Variants in DPH6 observed in about 807,000 individuals in gnomAD.
The protein encoded by DPH6 is diphthamine biosynthesis 6.
In DPH6, 33 loss-of-function variants were observed where a neutral mutation model predicts 38.2. The ratio of observed to expected loss-of-function variants is 0.86; its 90% CI spans 0.65 to 1.15. DPH6 has a LOEUF of 1.15. DPH6 is among the 50% of genes most tolerant of loss of function. The probability of loss-of-function intolerance (pLI) is 0.00; values close to 1 mark genes in which losing one functional copy is unlikely to be tolerated. For missense variants in DPH6, 325 were observed against 320.0 expected (o/e 1.02, Z -0.12); for synonymous variants, 108 against 103.0 (o/e 1.05, Z -0.30).
chr15:35,150,927 A>G, the DPH6 span, among the ~76,000 whole-genome samples: 4,631 of 152,296 alleles, frequency 0.03, 228 homozygotes, highest in African/African-American at 0.11. Context: ...TGATGTTTCT[A>G]TGAGGTTTTG....
intron 3 of DPH6, chr15:35,298,187 T>C (rs2052028258): frequency 2.2e-6 from 1 of 445,046 alleles, no homozygotes; most frequent in Non-Finnish European, 4.3e-6. Context: ...TTTCCTTCTT[T>C]TCTCGGCCTG....
At chr15:35,505,679 C>T (rs1260350999) in intron 3 of DPH6, among the ~76,000 whole-genome samples, 1 of 151,924 alleles carries the variant, frequency 6.6e-6, no homozygotes, top group Non-Finnish European at 1.5e-5. Context: ...ACTTTTAATA[C>T]GTGTAATGAA....
intron 3 of DPH6, among the ~76,000 whole-genome samples, chr15:35,358,121 A>T (rs1213423260): frequency 6.6e-6 from 1 of 152,044 alleles, no homozygotes; most frequent in Non-Finnish European, 1.5e-5. Context: ...TTGGTTGAAT[A>T]CTTTGTCTTT....
the DPH6 span, among the ~76,000 whole-genome samples, chr15:35,204,341 C>T: frequency 4.0e-5 from 6 of 151,734 alleles, no homozygotes; most frequent in Admixed American, 2.6e-4. Context: ...TATTGGGCGT[C>T]CTCTTATTAT....
intron 3 of DPH6, among the ~76,000 whole-genome samples, chr15:35,263,398 CTTT>C (rs757916530): frequency 4.0e-5 from 4 of 98,996 alleles, no homozygotes; most frequent in Middle Eastern, 6.0e-3. Context: ...CATAATTAAT[CTTT>C]TTTTTTTTTT....
At chr15:35,351,720 CT>C (rs758678929) in intron 3 of DPH6, among the ~76,000 whole-genome samples, 1,559 of 136,334 alleles carry the variant, frequency 0.011, 7 homozygotes, top group African/African-American at 0.016. Context: ...TGTCAGACTT[CT>C]TTTTTTTTTT....
the DPH6 span, among the ~76,000 whole-genome samples, chr15:35,193,553 G>A: frequency 6.6e-6 from 1 of 152,084 alleles, no homozygotes; most frequent in Non-Finnish European, 1.5e-5. Context: ...GATAAAGGTA[G>A]TTGCATAGAA....
chr15:35,481,464 G>T (rs756808207), intron 3 of DPH6, among the ~76,000 whole-genome samples: 33 of 152,074 alleles, frequency 2.2e-4, no homozygotes, highest in Non-Finnish European at 4.6e-4. Flanking sequence ...TTTGGATCTT[G>T]ATTCAAACAA....
At chr15:35,485,378 T>C (rs376305518) in intron 3 of DPH6, among the ~76,000 whole-genome samples, 8 of 152,238 alleles carry the variant, frequency 5.3e-5, no homozygotes, top group African/African-American at 1.9e-4. Context: ...GGATATGTTA[T>C]CATGTCAAAA....
At chr15:35,403,549 C>T (rs188724791) in intron 6 of DPH6, among the ~76,000 whole-genome samples, 4 of 152,196 alleles carry the variant, frequency 2.6e-5, no homozygotes, top group Admixed American at 2.6e-4. Flanking sequence ...CTTACTCTGT[C>T]ACCCAGGGTG....
In DPH6 at chr15:35,372,128, G is replaced by T; in HGVS notation, c.*22C>A. The T allele has an allele frequency of 1.3e-6, 2 of 1,510,372 alleles. No homozygotes were observed. The highest frequency in any genetic ancestry group is 2.7e-5 in the South Asian group (2 of 74,574). 93.6% of individuals were successfully genotyped at this position (1,510,372 alleles called of 1,614,324 possible). On this transcript the variant is annotated 3_prime_UTR_variant, in exon 9 of 9. Coordinates refer to ENST00000256538, the MANE Select transcript of DPH6 (RefSeq NM_080650.4). ...TTTTGTATAGAAATGGTGGTTTAAT[G>T]AACAATGTTCCAAAACACTTTTCAA...
rs548414947 is a variant in DPH6, at chr15:35,336,402, C to T, written n.208-5325G>A. 3.9e-5 allele frequency among the ~76,000 whole-genome samples: 6 copies of T among 152,180 alleles called. No homozygotes were observed. In the East Asian group the frequency reaches 1.2e-3, roughly 29 times the overall value. Reference sequence around the variant, plus strand: ...TCTTTTTTCTCTAAACTTCTCTTTTCACTTCATTTCATTCATTTGATCTTC... The same window carrying T: ...TCTTTTTTCTCTAAACTTCTCTTTTTACTTCATTTCATTCATTTGATCTTC... On this transcript the variant is annotated intron_variant and non_coding_transcript_variant, in intron 3 of 3. Transcript: ENST00000558973.
intron 3 of DPH6, among the ~76,000 whole-genome samples, chr15:35,332,351 A>G (rs1200704212): frequency 6.6e-6 from 1 of 152,186 alleles, no homozygotes; most frequent in Non-Finnish European, 1.5e-5. Context: ...GAGAGAAAGA[A>G]AAAATATTTA....
chr15:35,498,060 G>A (rs530282133), intron 3 of DPH6, among the ~76,000 whole-genome samples: 3 of 152,104 alleles, frequency 2.0e-5, no homozygotes, highest in Non-Finnish European at 2.9e-5. Flanking sequence ...AATAGGTTGA[G>A]CAGACTATTA....
chr15:35,437,488 G>C (rs994763129), intron 5 of DPH6, among the ~76,000 whole-genome samples: 3 of 152,192 alleles, frequency 2.0e-5, no homozygotes, highest in Admixed American at 1.3e-4. Context: ...GCAGGCAAAA[G>C]AGTAAACTTT....
chr15:35,275,486 G>A (rs950211416), intron 3 of DPH6, among the ~76,000 whole-genome samples: 1 of 152,054 alleles, frequency 6.6e-6, no homozygotes, highest in Non-Finnish European at 1.5e-5. Flanking sequence ...TCACACATAA[G>A]TGGGAGCTGA....
intron 5 of DPH6, among the ~76,000 whole-genome samples, chr15:35,418,950 T>C (rs1018329101): frequency 6.6e-6 from 1 of 151,990 alleles, no homozygotes; most frequent in African/African-American, 2.4e-5. Flanking sequence ...GTAGGTGATA[T>C]TAGAAAAGGT....
intron 3 of DPH6, among the ~76,000 whole-genome samples, chr15:35,353,503 G>C (rs1326513898): frequency 6.6e-6 from 1 of 152,178 alleles, no homozygotes; most frequent in Non-Finnish European, 1.5e-5. Context: ...CATATGGCTA[G>C]CCAGTTTTCC....
At chr15:35,435,227 G>T (rs1022591231) in intron 5 of DPH6, among the ~76,000 whole-genome samples, 2 of 152,156 alleles carry the variant, frequency 1.3e-5, no homozygotes, top group African/African-American at 4.8e-5. Flanking sequence ...GTCTAAAGCT[G>T]CCTCCTTACA....
Sources: allele counts gnomAD v4.1 joint callset (sites outside exome capture counted in the v4.1 genomes callset), GRCh38; gene constraint gnomAD v4.1.1; transcripts MANE v1.5; gene names NCBI Gene and HGNC (gene_info 2026-07-23, HGNC 2026-07-21).